The following ZNF609 variants were observed in gnomAD, a reference collection of about 807,000 sequenced individuals.
ZNF609 encodes the protein zinc finger protein 609.
In ZNF609, 11 loss-of-function variants were observed where a neutral mutation model predicts 109.5. The observed-to-expected ratio is 0.10, with a 90% CI of 0.06 to 0.17. The LOEUF is 0.17. Ranked by LOEUF, ZNF609 falls within the 10% of genes least tolerant of loss-of-function variation. The pLI is 1.00. For synonymous variants in ZNF609, 646 were observed against 662.0 expected (o/e 0.98, Z 0.37); for missense variants, 1,559 against 1,772.4 (o/e 0.88, Z 2.16).
chr15:64,578,470 G>A (rs995697650), intron 2 of ZNF609, among the ~76,000 whole-genome samples: 7 of 152,014 alleles, frequency 4.6e-5, no homozygotes, highest in African/African-American at 4.8e-5. Flanking sequence ...TGAGGTGGGC[G>A]GATCACAAGG....
At chr15:64,669,711 A>G (rs1246312552) in intron 3 of ZNF609, among the ~76,000 whole-genome samples, 1 of 152,100 alleles carries the variant, frequency 6.6e-6, no homozygotes, top group Non-Finnish European at 1.5e-5. Flanking sequence ...TCTGTCACCC[A>G]TGCTGGAGTG....
rs1219072588 is a variant in ZNF609, at chr15:64,683,912, A to C, written c.*2226A>C. The C allele has an allele frequency of 1.3e-5, 2 of 152,254 alleles. No homozygotes were observed. The highest frequency in any genetic ancestry group is 2.9e-5 in the Non-Finnish European group (2 of 68,032). The allele number at this position is 152,254 out of a possible 1,614,324, so 9.4% of individuals were successfully genotyped here. On this transcript the variant is annotated 3_prime_UTR_variant, in exon 10 of 10. Transcript: ENST00000326648. Reference sequence around the variant, plus strand: ...CCTTTCCACTCATTCTGTAACACAGAGGACGAACTTCTGTATTAGCTGGGC... The same window carrying C: ...CCTTTCCACTCATTCTGTAACACAGCGGACGAACTTCTGTATTAGCTGGGC...
At chr15:64,620,946 T>G (rs766237233) in intron 2 of ZNF609, among the ~76,000 whole-genome samples, 1 of 152,230 alleles carries the variant, frequency 6.6e-6, no homozygotes, top group African/African-American at 2.4e-5. Flanking sequence ...ATCAGAGTTT[T>G]GTTGCAGAGC....
intron 3 of ZNF609, among the ~76,000 whole-genome samples, chr15:64,624,109 A>G (rs1895917766): frequency 6.6e-6 from 1 of 152,160 alleles, no homozygotes. Flanking sequence ...TTACCGTGCA[A>G]TAGGTGCTGA....
chr15:64,534,351 G>A (rs1281212869), intron 2 of ZNF609, among the ~76,000 whole-genome samples: 2 of 150,328 alleles, frequency 1.3e-5, no homozygotes, highest in African/African-American at 2.5e-5. Flanking sequence ...TCGCTCTGTC[G>A]CCCAGGCTGG....
chr15:64,664,718 C>A (rs1372569794), intron 3 of ZNF609, among the ~76,000 whole-genome samples: 1 of 152,158 alleles, frequency 6.6e-6, no homozygotes, highest in South Asian at 2.1e-4. Flanking sequence ...TTTAAACAAG[C>A]CTCCATTTTG....
intron 2 of ZNF609, among the ~76,000 whole-genome samples, chr15:64,575,798 A>G (rs1894941641): frequency 6.6e-6 from 1 of 152,206 alleles, no homozygotes; most frequent in African/African-American, 2.4e-5. Context: ...CTGAGAAAAT[A>G]TAAATAATTA....
chr15:64,474,216 C>CTT (rs574928157), intron 1 of ZNF609, among the ~76,000 whole-genome samples: 2 of 142,474 alleles, frequency 1.4e-5, no homozygotes, highest in Non-Finnish European at 1.5e-5. Flanking sequence ...CCTAGCCTCA[C>CTT]TTTTTTTTTT....
At chr15:64,638,039 A>ATG (rs1361500179) in intron 3 of ZNF609, among the ~76,000 whole-genome samples, 1 of 146,176 alleles carries the variant, frequency 6.8e-6, no homozygotes. Flanking sequence ...AAATACATAT[A>ATG]TATATATATG....
intron 2 of ZNF609, among the ~76,000 whole-genome samples, chr15:64,603,615 C>G (rs778852946): frequency 3.3e-5 from 5 of 151,992 alleles, no homozygotes; most frequent in African/African-American, 7.2e-5. Context: ...ACCACTCCCT[C>G]CAACCCCTTT....
chr15:64,676,086 GTCA>G lies in ZNF609; in HGVS notation c.3237_3239del (p.Ile1080del). ...GCCAGGGGCTGACCCAGCCAAATCAGTCATCATTCCCAAGTTAGATGACTCTTC... is the reference window on the plus strand; with the variant it reads ...GCCAGGGGCTGACCCAGCCAAATCAGTCATTCCCAAGTTAGATGACTCTTC... On this transcript the variant is annotated inframe_deletion, in exon 5 of 10. Coordinates refer to ENST00000326648, the MANE Select transcript of ZNF609 (RefSeq NM_015042.2). 1 of 1,614,224 alleles carries G rather than the reference GTCA, an allele frequency of 6.2e-7. No homozygotes were observed. The highest frequency in any genetic ancestry group is 8.5e-7 in the Non-Finnish European group (1 of 1,180,038).
intron 2 of ZNF609, among the ~76,000 whole-genome samples, chr15:64,518,041 C>A (rs933021013): frequency 1.3e-5 from 2 of 152,166 alleles, no homozygotes; most frequent in African/African-American, 4.8e-5. Context: ...CATGGCCTCC[C>A]AAAGTGCTGG....
At chr15:64,679,244 G>A (rs1466454465) in intron 6 of ZNF609, among the ~76,000 whole-genome samples, 4 of 152,092 alleles carry the variant, frequency 2.6e-5, no homozygotes, top group Non-Finnish European at 4.4e-5. Flanking sequence ...GGCTAATTTT[G>A]TATTTTTAGT....
intron 2 of ZNF609, among the ~76,000 whole-genome samples, chr15:64,505,443 A>T (rs1284673691): frequency 6.6e-6 from 1 of 152,204 alleles, no homozygotes; most frequent in Non-Finnish European, 1.5e-5. Flanking sequence ...CTGTTGGCTA[A>T]TTGTTATCAC....
intron 3 of ZNF609, among the ~76,000 whole-genome samples, chr15:64,638,545 T>TG (rs1249524359): frequency 7.9e-5 from 12 of 151,620 alleles, no homozygotes; most frequent in African/African-American, 2.7e-4. Flanking sequence ...GAGGGAGAAT[T>TG]GGGGGGAGGG....
rs367620053 is a variant in ZNF609 at position 64,494,867 on chromosome 15, TCTC to T, written c.-127-4423_-127-4421del. 6.4e-3 allele frequency among the ~76,000 whole-genome samples: 967 copies of T among 152,266 alleles called. 3 individuals carry two copies. The highest frequency in any genetic ancestry group is 0.011 in the Non-Finnish European group (769 of 68,020). On this transcript the variant is annotated intron_variant, in intron 1 of 9. Coordinates refer to ENST00000326648, the MANE Select transcript of ZNF609 (RefSeq NM_015042.2). ...CTAACAGCCTGTCTTCCTTCAGTGT[TCTC>T]CTTTCCAGACCAAAGAATCCCAGTT...
At chr15:64,608,779 C>G (rs1476341488) in intron 2 of ZNF609, among the ~76,000 whole-genome samples, 1 of 151,840 alleles carries the variant, frequency 6.6e-6, no homozygotes, top group Admixed American at 6.6e-5. Flanking sequence ...CACTTTGTCC[C>G]CCAAGCTGGA....
At chr15:64,554,639 C>T (rs994122666) in intron 2 of ZNF609, among the ~76,000 whole-genome samples, 1 of 151,944 alleles carries the variant, frequency 6.6e-6, no homozygotes, top group African/African-American at 2.4e-5. Flanking sequence ...GACTGGGCAA[C>T]AGATCAAGAC....
intron 2 of ZNF609, among the ~76,000 whole-genome samples, chr15:64,559,714 G>A (rs954690913): frequency 2.6e-5 from 4 of 152,178 alleles, no homozygotes; most frequent in African/African-American, 9.7e-5. Flanking sequence ...GAACATGTCT[G>A]TTTTGTGTCT....
Sources: gnomAD v4.1 joint callset for allele counts (sites outside exome capture counted in the v4.1 genomes callset) on GRCh38, gnomAD v4.1.1 for gene constraint, MANE v1.5 for transcripts, NCBI Gene and HGNC (gene_info 2026-07-23, HGNC 2026-07-21) for gene names.